The following SLC39A11 variants were observed in gnomAD, a reference collection of about 807,000 sequenced individuals.
The protein encoded by SLC39A11 is zinc transporter ZIP11.
In SLC39A11, 33 loss-of-function variants were observed where a neutral mutation model predicts 36.1. The observed-to-expected ratio is 0.91, with a 90% confidence interval of 0.69 to 1.22. The LOEUF is 1.22. SLC39A11 is among the 50% of genes most tolerant of loss of function. SLC39A11 has a pLI of 0.00. For missense variants in SLC39A11, 432 were observed against 430.3 expected (o/e 1.00, Z -0.03); for synonymous variants, 166 against 170.3 (o/e 0.97, Z 0.20).
At chr17:72,840,519 G>A (rs1168470863) in intron 6 of SLC39A11, among the ~76,000 whole-genome samples, 1 of 152,226 alleles carries the variant, frequency 6.6e-6, no homozygotes, top group Non-Finnish European at 1.5e-5. Context: ...AGCACTCTGG[G>A]AAGCCAAGGT....
chr17:72,957,024 A>G (rs969070885), intron 4 of SLC39A11, among the ~76,000 whole-genome samples: 2 of 152,006 alleles, frequency 1.3e-5, no homozygotes, highest in Non-Finnish European at 2.9e-5. Flanking sequence ...CCTGGCAGCC[A>G]GCAGGCAGTT....
At chr17:72,983,600 C>G (rs1253757000) in intron 4 of SLC39A11, among the ~76,000 whole-genome samples, 1 of 152,170 alleles carries the variant, frequency 6.6e-6, no homozygotes, top group Non-Finnish European at 1.5e-5. Context: ...GAAAGCACCT[C>G]TGGAAAAATA....
At chr17:72,968,711 G>A (rs564214491) in intron 4 of SLC39A11, among the ~76,000 whole-genome samples, 1 of 152,184 alleles carries the variant, frequency 6.6e-6, no homozygotes, top group Non-Finnish European at 1.5e-5. Context: ...GCGTGGTGTT[G>A]ACTCCTGTGT....
intron 4 of SLC39A11, among the ~76,000 whole-genome samples, chr17:72,949,144 C>CTTTTTTTTTTTTTTTTTGTT (rs2085664443): frequency 2.7e-5 from 1 of 36,474 alleles, no homozygotes; most frequent in Non-Finnish European, 5.4e-5. Context: ...CACTGGGCAG[C>CTTTTTTTTTTTTTTTTTGTT]TTTTTTTTTT....
chr17:72,702,318 T>C (rs1322390785), intron 7 of SLC39A11, among the ~76,000 whole-genome samples: 1 of 152,156 alleles, frequency 6.6e-6, no homozygotes, highest in Non-Finnish European at 1.5e-5. Flanking sequence ...GCTTGAAGCA[T>C]GTACTACCTA....
At chr17:72,879,647 G>A (rs1482880624) in intron 5 of SLC39A11, among the ~76,000 whole-genome samples, 1 of 152,134 alleles carries the variant, frequency 6.6e-6, no homozygotes, top group Non-Finnish European at 1.5e-5. Context: ...CCAGGCTTTA[G>A]GCAGGATTAT....
At chr17:72,977,481 G>A (rs1238921288) in intron 4 of SLC39A11, among the ~76,000 whole-genome samples, 1 of 152,134 alleles carries the variant, frequency 6.6e-6, no homozygotes, top group Non-Finnish European at 1.5e-5. Context: ...ACCAGGGCAG[G>A]AAAAGGAGCG....
At chr17:72,714,692 T>C (rs1310166760) in intron 7 of SLC39A11, among the ~76,000 whole-genome samples, 1 of 152,188 alleles carries the variant, frequency 6.6e-6, no homozygotes, top group Non-Finnish European at 1.5e-5. Context: ...GTGTCTGTGT[T>C]GAGCCTCCTT....
intron 7 of SLC39A11, among the ~76,000 whole-genome samples, chr17:72,665,208 G>A (rs1436191475): frequency 6.6e-6 from 1 of 152,030 alleles, no homozygotes; most frequent in African/African-American, 2.4e-5. Context: ...GCGCCATCTT[G>A]GAAATGGATC....
chr17:72,873,457 CA>C (rs35816003), intron 5 of SLC39A11, among the ~76,000 whole-genome samples: 74,333 of 151,968 alleles, frequency 0.49, 19,005 homozygotes, highest in East Asian at 0.72. Context: ...CCCATCCTTC[CA>C]ACTTGGCTGG....
chr17:73,078,240 GAAAAA>G (rs373935167), intron 3 of SLC39A11, among the ~76,000 whole-genome samples: 3 of 114,780 alleles, frequency 2.6e-5, no homozygotes, highest in African/African-American at 9.9e-5. Context: ...TCCGTCTCAG[GAAAAA>G]AAAAAAAAAA....
At chr17:72,649,080 C>T in intron 8 of SLC39A11, 90 bp downstream of exon 8, 3 of 1,536,648 alleles carry the variant, frequency 2.0e-6, no homozygotes, top group Non-Finnish European at 2.7e-6. Context: ...CATATCTGAG[C>T]ATGGCAGTGC....
At chr17:72,910,366 G>A (rs1275994363) in intron 5 of SLC39A11, among the ~76,000 whole-genome samples, 1 of 152,134 alleles carries the variant, frequency 6.6e-6, no homozygotes, top group East Asian at 1.9e-4. Flanking sequence ...GCCCGTGCCT[G>A]TAATCCCAGC....
At chr17:73,065,029 A>G (rs1416270413) in intron 3 of SLC39A11, among the ~76,000 whole-genome samples, 1 of 152,184 alleles carries the variant, frequency 6.6e-6, no homozygotes, top group Non-Finnish European at 1.5e-5. Flanking sequence ...TTAAATTTAT[A>G]AAATGAGACA....
chr17:72,929,022 T>C (rs2084224677), intron 5 of SLC39A11, among the ~76,000 whole-genome samples: 1 of 152,176 alleles, frequency 6.6e-6, no homozygotes, highest in African/African-American at 2.4e-5. Flanking sequence ...CCAGGGGTGA[T>C]GGCCAGGGGC....
intron 6 of SLC39A11, among the ~76,000 whole-genome samples, chr17:72,754,676 G>C (rs190757636): frequency 6.6e-6 from 1 of 152,128 alleles, no homozygotes; most frequent in Admixed American, 6.5e-5. Flanking sequence ...GGCCGCAGCC[G>C]GGGTGACACA....
chr17:72,720,195 G>A (rs2073599320), intron 7 of SLC39A11, among the ~76,000 whole-genome samples: 1 of 152,224 alleles, frequency 6.6e-6, no homozygotes, highest in South Asian at 2.1e-4. Context: ...TGGGGACAAG[G>A]GCTGGGCAGT....
intron 7 of SLC39A11, among the ~76,000 whole-genome samples, chr17:72,707,953 T>C (rs1422523153): frequency 6.6e-6 from 1 of 152,252 alleles, no homozygotes. Flanking sequence ...TCAATTCTAA[T>C]TTCTGCAGAA....
intron 7 of SLC39A11, among the ~76,000 whole-genome samples, chr17:72,675,359 G>A (rs2071209907): frequency 6.6e-6 from 1 of 152,206 alleles, no homozygotes; most frequent in Non-Finnish European, 1.5e-5. Flanking sequence ...GTCCTCACGG[G>A]CACTGAATCT....
Sources: allele counts gnomAD v4.1 joint callset (sites outside exome capture counted in the v4.1 genomes callset), GRCh38; gene constraint gnomAD v4.1.1; transcripts MANE v1.5; gene names NCBI Gene and HGNC (gene_info 2026-07-23, HGNC 2026-07-21).